The following PLCG2 variants were observed in gnomAD, a reference collection of about 807,000 sequenced individuals.
PLCG2 encodes phospholipase C gamma 2, also known as 1-phosphatidylinositol 4,5-bisphosphate phosphodiesterase gamma-2.
PLCG2 carries 69 observed loss-of-function variants against 175.6 expected under a neutral mutation model. The observed-to-expected ratio is 0.39, with a 90% confidence interval of 0.32 to 0.48. The LOEUF (loss-of-function observed/expected upper bound fraction) is 0.48. Ranked by LOEUF, PLCG2 falls within the 20% of genes least tolerant of loss-of-function variation. The pLI, the probability that PLCG2 is intolerant of heterozygous loss-of-function variation, is 0.91. For synonymous variants in PLCG2, 827 were observed against 624.0 expected, an observed-to-expected ratio of 1.33 and a Z score of -4.85; for missense variants, 1,798 against 1,650.9, an observed-to-expected ratio of 1.09 and a Z score of -1.54.
At chr16:81,891,351 C>T (rs772496538) in intron 10 of PLCG2, 121 bp from the exon 11 acceptor site, 60 of 695,524 alleles carry the variant, frequency 8.6e-5, no homozygotes, top group Non-Finnish European at 1.5e-4. Context: ...GGTCTGGAGA[C>T]CGCCTGTTGA....
At chr16:81,920,117 C>A (rs983655534) in intron 20 of PLCG2, among the ~76,000 whole-genome samples, 2 of 152,170 alleles carry the variant, frequency 1.3e-5, no homozygotes, top group Non-Finnish European at 2.9e-5. Flanking sequence ...GGAATCAAGC[C>A]AGCCCAGGTG....
chr16:81,954,701 G>A (rs1597155840), intron 31 of PLCG2, among the ~76,000 whole-genome samples: 2 of 152,180 alleles, frequency 1.3e-5, no homozygotes, highest in Admixed American at 6.5e-5. Flanking sequence ...AGTATTCCAT[G>A]GTGTATATGT....
intron 2 of PLCG2, among the ~76,000 whole-genome samples, chr16:81,757,831 C>T (rs144031647): frequency 1.2e-3 from 189 of 152,250 alleles, no homozygotes; most frequent in African/African-American, 4.0e-3. Flanking sequence ...CCCCTTCCCC[C>T]ACCCCTTCAA....
chr16:81,902,517 G>A (rs1909193146), intron 14 of PLCG2, among the ~76,000 whole-genome samples: 1 of 151,908 alleles, frequency 6.6e-6, no homozygotes, highest in South Asian at 2.1e-4. Context: ...TAACCATCTG[G>A]GACATGGAGA....
At chr16:81,805,783 G>GTTTTTTTTTTTT (rs35014411) in intron 2 of PLCG2, among the ~76,000 whole-genome samples, 162 of 82,900 alleles carry the variant, frequency 2.0e-3, no homozygotes, top group Non-Finnish European at 2.7e-3. Flanking sequence ...TTTTTTTTTT[G>GTTTTTTTTTTTT]TTTTTTTTTT....
chr16:81,925,535 T>C (rs566162132), intron 22 of PLCG2, among the ~76,000 whole-genome samples: 1 of 152,290 alleles, frequency 6.6e-6, no homozygotes, highest in Non-Finnish European at 1.5e-5. Flanking sequence ...ACTCTGCTTA[T>C]TCAGACCAAA....
intron 31 of PLCG2, among the ~76,000 whole-genome samples, chr16:81,950,908 TAA>T (rs1338623285): frequency 1.3e-5 from 2 of 152,040 alleles, no homozygotes; most frequent in Non-Finnish European, 2.9e-5. Flanking sequence ...AACAAAGGAA[TAA>T]AAGAGATAGA....
chr16:81,766,564 C>T (rs1193294964), intron 2 of PLCG2, among the ~76,000 whole-genome samples: 1 of 152,178 alleles, frequency 6.6e-6, no homozygotes, highest in Non-Finnish European at 1.5e-5. Context: ...AAAAACCCAG[C>T]CCTTCCTCCC....
intron 2 of PLCG2, chr16:81,798,337 T>G (rs2143231754): frequency 6.6e-6 from 1 of 152,358 alleles, no homozygotes; most frequent in South Asian, 2.1e-4. Flanking sequence ...GGCTGAGACA[T>G]AGCTCGCATG....
At chr16:81,909,120 C>T (rs974148386) in intron 17 of PLCG2, among the ~76,000 whole-genome samples, 10 of 152,238 alleles carry the variant, frequency 6.6e-5, no homozygotes, top group Admixed American at 1.3e-4. Context: ...GTGCCCTGTG[C>T]TAGACACAGT....
chr16:81,939,475 A>G (rs1044982657), intron 29 of PLCG2, among the ~76,000 whole-genome samples: 1 of 152,248 alleles, frequency 6.6e-6, no homozygotes, highest in African/African-American at 2.4e-5. Context: ...GGAGAGTGGC[A>G]GGATTGCTGC....
intron 20 of PLCG2, 127 bp downstream of exon 20, chr16:81,919,791 A>G: frequency 2.7e-6 from 2 of 733,314 alleles, no homozygotes; most frequent in Non-Finnish European, 4.5e-6. Context: ...TCCTGGGGAT[A>G]CAAATTGAGC....
At position 81,883,317 on chromosome 16, in the gene PLCG2, G is replaced by C. The variant is rs778931758; in HGVS notation, c.741G>C (p.Gln247His). 5 of 1,614,024 alleles carry C rather than the reference G, an allele frequency of 3.1e-6. No individual in the cohort carries two copies. In the Admixed American group the frequency reaches 8.3e-5, roughly 27 times the overall value. The change falls in exon 9 of 33, where the codon CAG becomes CAC. Residue 247 changes from glutamine to histidine, a missense_variant. Gln to His is a conservative substitution (Grantham distance 24). Coordinates refer to ENST00000564138, the MANE Select transcript of PLCG2 (RefSeq NM_002661.5). ...DASAVYLHDF[Q>H]RFLIHEQQEH... ...CTGCTGTTTACCTGCATGACTTCCA[G>C]AGGTTTCTCATACATGAACAGCAGG...
chr16:81,862,764 G>C (rs1037705856), intron 5 of PLCG2, among the ~76,000 whole-genome samples: 6 of 152,198 alleles, frequency 3.9e-5, no homozygotes, highest in African/African-American at 1.2e-4. Context: ...CCTGCTACTT[G>C]AGAGGCTGAG....
chr16:81,750,972 T>C (rs1358339203), intron 1 of PLCG2, among the ~76,000 whole-genome samples: 15 of 21,388 alleles, frequency 7.0e-4, no homozygotes, highest in South Asian at 3.9e-3. Context: ...CGCACCCAGC[T>C]TTTTTTTTTT....
intron 2 of PLCG2, among the ~76,000 whole-genome samples, chr16:81,850,999 T>C (rs1906378789): frequency 6.6e-6 from 1 of 152,134 alleles, no homozygotes; most frequent in South Asian, 2.1e-4. Flanking sequence ...GGGTCCCCAC[T>C]TGTTATGGGT....
At chr16:81,757,349 A>G (rs1459944408) in intron 2 of PLCG2, among the ~76,000 whole-genome samples, 1 of 152,196 alleles carries the variant, frequency 6.6e-6, no homozygotes, top group African/African-American at 2.4e-5. Flanking sequence ...CTCATAGAAA[A>G]AAAAGCTGTT....
At chr16:81,810,999 C>T (rs377527136) in intron 2 of PLCG2, among the ~76,000 whole-genome samples, 1 of 152,340 alleles carries the variant, frequency 6.6e-6, no homozygotes, top group Admixed American at 6.5e-5. Context: ...TAACAGTGGC[C>T]TTCCTGGCCC....
At chr16:81,885,901 AAAG>A (rs1908337419) in intron 9 of PLCG2, among the ~76,000 whole-genome samples, 1 of 152,222 alleles carries the variant, frequency 6.6e-6, no homozygotes, top group African/African-American at 2.4e-5. Context: ...ATGATGATCA[AAAG>A]AAGGCTTATT....
Sources: gnomAD v4.1 joint callset for allele counts (sites outside exome capture counted in the v4.1 genomes callset) on GRCh38, gnomAD v4.1.1 for gene constraint, MANE v1.5 for transcripts, NCBI Gene and HGNC (gene_info 2026-07-23, HGNC 2026-07-21) for gene names.